AMPH: variants seen among roughly 807,000 people sequenced by gnomAD.
The protein encoded by AMPH is amphiphysin (Stiff-Mann syndrome with breast cancer 128kD autoantigen).
AMPH carries 49 observed loss-of-function variants against 99.1 expected under a neutral mutation model. That is an observed-to-expected ratio of 0.49 (90% CI 0.39 to 0.63). AMPH has a LOEUF of 0.63. Ranked by LOEUF, AMPH falls within the 20% of genes least tolerant of loss-of-function variation. The probability of loss-of-function intolerance (pLI) is 0.00; values close to 1 mark genes in which losing one functional copy is unlikely to be tolerated. For missense variants in AMPH, 759 were observed against 863.4 expected (o/e 0.88, Z 1.52); for synonymous variants, 314 against 317.3 (o/e 0.99, Z 0.11).
chr7:38,488,001 G>A (rs1024287536), intron 5 of AMPH, among the ~76,000 whole-genome samples: 11 of 152,084 alleles, frequency 7.2e-5, no homozygotes, highest in Admixed American at 2.6e-4. Flanking sequence ...TTAGAATGGC[G>A]ATCAATAAAA....
chr7:38,525,275 TATAG>T (rs1224930125), intron 2 of AMPH, among the ~76,000 whole-genome samples: 120 of 86,292 alleles, frequency 1.4e-3, no homozygotes, highest in African/African-American at 1.9e-3. Context: ...TATATATATA[TATAG>T]AGAGAGAGAG....
Position 38,525,312 on chromosome 7 carries a change from A to AGG in AMPH, c.150+9617_150+9618dup, listed in dbSNP as rs1562806970. 5.1e-4 allele frequency among the ~76,000 whole-genome samples: 67 copies of AGG among 130,110 alleles called. 1 individual carries two copies. Among genetic ancestry groups the AGG allele is most frequent in the African/African-American group, 1.9e-3 (65 of 33,362 alleles). 85.4% of individuals were successfully genotyped at this position (130,110 alleles called of 152,430 possible). Reference sequence around the variant, plus strand: ...GAGAGAGAGAGAGAGAGAGAGAGAGAGGGAGCCTTTGCATCCTGTACTCAG... The same window carrying AGG: ...GAGAGAGAGAGAGAGAGAGAGAGAGAGGGGGAGCCTTTGCATCCTGTACTCAG... On this transcript the variant is annotated intron_variant, in intron 2 of 20. Coordinates refer to ENST00000356264, the MANE Select transcript of AMPH (RefSeq NM_001635.4).
chr7:38,563,165 G>GAATC (rs556883681), intron 1 of AMPH, among the ~76,000 whole-genome samples: 7 of 152,108 alleles, frequency 4.6e-5, no homozygotes, highest in Non-Finnish European at 1.0e-4. Flanking sequence ...ATGAATGAAT[G>GAATC]AGTGAATGGA....
At chr7:38,461,434 A>G (rs778202826) in intron 10 of AMPH, 23 bp from the exon 11 acceptor site, 3 of 1,613,638 alleles carry the variant, frequency 1.9e-6, no homozygotes, top group South Asian at 1.1e-5. Flanking sequence ...AAATACAAAC[A>G]TTAATCCAGC....
chr7:38,461,259 A>G, intron 11 of AMPH, 24 bp downstream of exon 11: 1 of 1,609,544 alleles, frequency 6.2e-7, no homozygotes, highest in East Asian at 2.2e-5. Flanking sequence ...TCATGGACAT[A>G]CCAGCCCTGA....
chr7:38,408,608 C>T (rs894016064), intron 17 of AMPH, among the ~76,000 whole-genome samples: 5 of 151,774 alleles, frequency 3.3e-5, no homozygotes, highest in African/African-American at 7.3e-5. Flanking sequence ...AAAGATACAA[C>T]GGCGTGGTGG....
intron 1 of AMPH, among the ~76,000 whole-genome samples, chr7:38,557,855 A>G (rs542226280): frequency 6.6e-6 from 1 of 152,158 alleles, no homozygotes; most frequent in East Asian, 1.9e-4. Context: ...GGAGTTTGAG[A>G]CCAGCCTGGG....
chr7:38,477,876 A>G (rs947071518), intron 5 of AMPH, among the ~76,000 whole-genome samples: 14 of 151,994 alleles, frequency 9.2e-5, no homozygotes, highest in African/African-American at 3.4e-4. Flanking sequence ...GGCAAAAATA[A>G]TTGCTGTAGG....
At chr7:38,431,356 A>G (rs535979288) in intron 13 of AMPH, among the ~76,000 whole-genome samples, 1 of 152,286 alleles carries the variant, frequency 6.6e-6, no homozygotes, top group South Asian at 2.1e-4. Context: ...TGATGCTTAG[A>G]GAGTTTTAGA....
chr7:38,441,888 TAC>T (rs61094157), intron 11 of AMPH, among the ~76,000 whole-genome samples: 1,821 of 81,526 alleles, frequency 0.022, 61 homozygotes, highest in African/African-American at 0.066. Context: ...ATCATATACA[TAC>T]ACACACACAC....
At chr7:38,506,973 G>A (rs1789350858) in intron 2 of AMPH, among the ~76,000 whole-genome samples, 2 of 152,166 alleles carry the variant, frequency 1.3e-5, no homozygotes, top group South Asian at 4.1e-4. Context: ...TACAGAGCCG[G>A]CCATGAAAAG....
At chr7:38,412,775 G>A (rs916947206) in intron 17 of AMPH, among the ~76,000 whole-genome samples, 3 of 152,122 alleles carry the variant, frequency 2.0e-5, no homozygotes, top group African/African-American at 4.8e-5. Flanking sequence ...GAAGGAGGAC[G>A]CAGCTGAGAG....
At chr7:38,621,633 T>TTAATATATATTAAAATATAA in intron 1 of AMPH, among the ~76,000 whole-genome samples, 1 of 152,248 alleles carries the variant, frequency 6.6e-6, no homozygotes, top group Admixed American at 6.5e-5. Flanking sequence ...ATTTATTAAT[T>TTAATATATATTAAAATATAA]TGTTAAATTA....
chr7:38,571,840 A>T (rs1792054021), intron 1 of AMPH, among the ~76,000 whole-genome samples: 1 of 151,434 alleles, frequency 6.6e-6, no homozygotes, highest in Non-Finnish European at 1.5e-5. Flanking sequence ...CCACTCACTC[A>T]TTGCTCACCC....
intron 1 of AMPH, among the ~76,000 whole-genome samples, chr7:38,628,118 G>C (rs1420721907): frequency 1.3e-5 from 2 of 151,806 alleles, no homozygotes; most frequent in Non-Finnish European, 2.9e-5. Flanking sequence ...CTAATAACAA[G>C]ACAGAATTGC....
intron 1 of AMPH, among the ~76,000 whole-genome samples, chr7:38,572,907 G>A (rs1792103497): frequency 6.6e-6 from 1 of 152,126 alleles, no homozygotes; most frequent in Admixed American, 6.5e-5. Flanking sequence ...GCAGGCCCAG[G>A]ACCGTGGCCT....
intron 2 of AMPH, among the ~76,000 whole-genome samples, chr7:38,534,493 C>T (rs1790526141): frequency 6.6e-6 from 1 of 151,988 alleles, no homozygotes; most frequent in African/African-American, 2.4e-5. Context: ...GGCAACATGG[C>T]AAAACCCCAT....
intron 1 of AMPH, among the ~76,000 whole-genome samples, chr7:38,559,342 G>C (rs949197218): frequency 1.3e-5 from 2 of 152,242 alleles, no homozygotes; most frequent in Non-Finnish European, 2.9e-5. Flanking sequence ...AGGACGATGA[G>C]GTGTAAATCT....
intron 11 of AMPH, among the ~76,000 whole-genome samples, chr7:38,459,524 A>G (rs941096100): frequency 2.0e-5 from 3 of 152,090 alleles, no homozygotes; most frequent in African/African-American, 7.2e-5. Flanking sequence ...ACAAAATACA[A>G]AGCCCAGTAA....
Sources: gnomAD v4.1 joint callset for allele counts (sites outside exome capture counted in the v4.1 genomes callset) on GRCh38, gnomAD v4.1.1 for gene constraint, MANE v1.5 for transcripts, NCBI Gene and HGNC (gene_info 2026-07-23, HGNC 2026-07-21) for gene names.